Variants in MBOAT7 observed in about 807,000 individuals in gnomAD.
The protein encoded by MBOAT7 is membrane bound acylglycerophosphatidylinositol O-acyltransferase MBOAT7, also known as membrane-bound acylglycerophosphatidylinositol O-acyltransferase MBOAT7.
A neutral mutation model predicts 47.4 loss-of-function variants in MBOAT7; 40 were observed. The observed-to-expected ratio is 0.84, with a 90% confidence interval of 0.66 to 1.10. The LOEUF (loss-of-function observed/expected upper bound fraction) is 1.10. MBOAT7 is among the 50% of genes least tolerant of loss of function. The pLI is 0.00. For synonymous variants in MBOAT7, 361 were observed against 292.0 expected, an observed-to-expected ratio of 1.24 and a Z score of -2.41; for missense variants, 680 against 655.6, an observed-to-expected ratio of 1.04 and a Z score of -0.41.
chr19:54,176,590 G>T (rs1419015971), intron 7 of MBOAT7, among the ~76,000 whole-genome samples: 1 of 152,084 alleles, frequency 6.6e-6, no homozygotes, highest in Non-Finnish European at 1.5e-5. Context: ...AGCATCCCTG[G>T]CCCCCACCCA....
At chr19:54,187,075 C>T (rs773388054) in intron 4 of MBOAT7, 86 bp downstream of exon 4, 432 of 1,460,096 alleles carry the variant, frequency 3.0e-4, no homozygotes, top group Non-Finnish European at 3.6e-4. Flanking sequence ...GGTAAAATCC[C>T]GGGGAGCCAC....
intron 4 of MBOAT7, 21 bp downstream of exon 4, chr19:54,187,140 G>T: frequency 9.7e-6 from 15 of 1,545,366 alleles, no homozygotes; most frequent in Non-Finnish European, 1.3e-5. Flanking sequence ...CTGGAGGGGA[G>T]TGGCAAGCCC....
chr19:54,177,889 G>GT lies in MBOAT7; in HGVS notation c.1031+875dup, dbSNP rs201240852. 6.7e-3 allele frequency among the ~76,000 whole-genome samples: 835 copies of GT among 124,358 alleles called. 3 individuals carry two copies. Among genetic ancestry groups the GT allele is most frequent in the African/African-American group, 0.02 (655 of 32,692 alleles). 81.6% of individuals were successfully genotyped at this position (124,358 alleles called of 152,430 possible). A position where few individuals can be genotyped will look rare whatever the true frequency, so the allele number is the denominator to read the frequency against. On this transcript the variant is annotated intron_variant, in intron 7 of 7. Coordinates refer to ENST00000245615, the MANE Select transcript of MBOAT7 (RefSeq NM_024298.5). The stretch of plus-strand genomic sequence containing the variant: ...TGTGAGCCACCATGCCTGGCTATGA[G>GT]TTCTACTTCTGTTTTTTTTTTTTTT...
chr19:54,177,264 T>A (rs945724338), intron 7 of MBOAT7, among the ~76,000 whole-genome samples: 24 of 152,120 alleles, frequency 1.6e-4, no homozygotes, highest in Non-Finnish European at 2.4e-4. Flanking sequence ...TTAAATTAAA[T>A]TAATAATTAT....
At chr19:54,177,333 T>C (rs150722302) in intron 7 of MBOAT7, among the ~76,000 whole-genome samples, 3,901 of 152,224 alleles carry the variant, frequency 0.026, 127 homozygotes, top group East Asian at 0.13. Flanking sequence ...TCTCGCTCTG[T>C]TGCCCAGGCT....
intron 5 of MBOAT7, 60 bp from the exon 6 acceptor site, chr19:54,181,193 C>A (rs2076261923): frequency 2.1e-6 from 3 of 1,437,814 alleles, no homozygotes; most frequent in Middle Eastern, 2.1e-4. Flanking sequence ...CTCAAGTCTG[C>A]AGGAGGAGGA....
intron 4 of MBOAT7, among the ~76,000 whole-genome samples, 195 bp from the exon 5 acceptor site, chr19:54,183,875 G>A (rs2076355653): frequency 6.6e-6 from 1 of 152,118 alleles, no homozygotes; most frequent in Non-Finnish European, 1.5e-5. Flanking sequence ...CCCTTTCCCT[G>A]TTCTGTGCTT....
chr19:54,187,227 G>T lies in MBOAT7; in HGVS notation c.267C>A (p.Leu89=). 6.2e-7 allele frequency: 1 copy of T among 1,607,430 alleles called. No homozygotes were observed. The change falls in exon 4 of 8, where the codon CTC becomes CTA. Residue 89 remains leucine, a synonymous_variant. Coordinates refer to ENST00000245615, the MANE Select transcript of MBOAT7 (RefSeq NM_024298.5). ...TGGGAGTGGGCAGGCCCAGGAGGCT[G>T]AGGGCTCGGAAGAACAGGAGATAGG... ...TFSYLLFFRA[L]SLLGLPTPTP...
At chr19:54,184,395 T>C (rs2076374439) in intron 4 of MBOAT7, among the ~76,000 whole-genome samples, 1 of 152,088 alleles carries the variant, frequency 6.6e-6, no homozygotes, top group Non-Finnish European at 1.5e-5. Context: ...GAATATGTTG[T>C]ACTCTCCACC....
In MBOAT7 at chr19:54,180,902, C is replaced by T. The variant is rs530531478; in HGVS notation, c.725G>A (p.Arg242His). The stretch of plus-strand genomic sequence containing the variant: ...AATCCAGGCCACGTAGAAGCGCATG[C>T]GGAAGGCGAAGAAGACGGGGATCAT... ...FYMIPVFFAFRMRFYVAWIAA... is the reference protein window; with the variant it reads ...FYMIPVFFAFHMRFYVAWIAA... Residue 242 changes from arginine (R) to histidine (H), a missense_variant, in exon 6 of 8, where the codon CGC (arginine) becomes CAC (histidine). By Grantham distance (29) the Arg-to-His change is conservative (BLOSUM62 0). Coordinates refer to ENST00000245615, the MANE Select transcript of MBOAT7 (RefSeq NM_024298.5). The surrounding 1 kb of genome is among the most constrained non-coding windows in gnomAD (Gnocchi z 5.2). The T allele has an allele frequency of 1.3e-5, 21 of 1,597,636 alleles. No individual in the cohort carries two copies. The highest frequency in any genetic ancestry group is 5.3e-5 in the African/African-American group (4 of 74,980).
chr19:54,174,778 C>G (rs1345491688), intron 7 of MBOAT7, among the ~76,000 whole-genome samples: 2 of 152,084 alleles, frequency 1.3e-5, no homozygotes, highest in Non-Finnish European at 2.9e-5. Flanking sequence ...AGGCCCTCCC[C>G]ACTCAGACCC....
At chr19:54,183,946 G>A (rs1037083194) in intron 4 of MBOAT7, among the ~76,000 whole-genome samples, 4 of 152,050 alleles carry the variant, frequency 2.6e-5, no homozygotes, top group African/African-American at 4.8e-5. Context: ...ACGCCCAAAC[G>A]CTACCCCAGC....
At chr19:54,178,973 A>G in intron 6 of MBOAT7, 32 bp from the exon 7 acceptor site, 1 of 1,607,610 alleles carries the variant, frequency 6.2e-7, no homozygotes, top group Non-Finnish European at 8.5e-7. Flanking sequence ...TGGGGGACAG[A>G]CATGCAGCTC....
At chr19:54,175,180 G>C (rs62132542) in intron 7 of MBOAT7, among the ~76,000 whole-genome samples, 3 of 152,024 alleles carry the variant, frequency 2.0e-5, no homozygotes, top group Non-Finnish European at 1.5e-5. Flanking sequence ...GGGTTTCACC[G>C]TGTTAGCCAG....
Position 54,178,588 on chromosome 19 carries a change from T to A in MBOAT7, c.1031+177A>T, listed in dbSNP as rs2076173929. 4.2e-6 allele frequency: 6 copies of A among 1,428,514 alleles called. No individual in the cohort carries two copies. The South Asian group carries it at 7.5e-5, about 18-fold the overall frequency. 88.5% of individuals were successfully genotyped at this position (1,428,514 alleles called of 1,614,324 possible). A position where few individuals can be genotyped will look rare whatever the true frequency, so the allele number is the denominator to read the frequency against. On this transcript the variant is annotated intron_variant, in intron 7 of 7. Coordinates refer to ENST00000245615, the MANE Select transcript of MBOAT7 (RefSeq NM_024298.5). ...ACTGAGGCCCCGAGAGGGGGAACGA[T>A]TTTACACCGGCATGCTGCCACTATA... is the stretch of plus-strand genomic sequence containing the variant.
Position 54,174,446 on chromosome 19 carries a change from G to A in MBOAT7, c.1032-15C>T. 1 of 1,523,584 alleles carries A rather than the reference G, an allele frequency of 6.6e-7. No individual in the cohort carries two copies. Among genetic ancestry groups the A allele is most frequent in the Non-Finnish European group, 8.8e-7 (1 of 1,137,248 alleles). The allele number at this position is 1,523,584 out of a possible 1,614,324, so 94.4% of individuals were successfully genotyped here. ...TCCAGGCGCTCCTGAGGAGGAGGCT[G>A]GGAGTCAGGACCTACGAGTCCAGGT... is the stretch of plus-strand genomic sequence containing the variant. On this transcript the variant is annotated splice_polypyrimidine_tract_variant and intron_variant, in intron 7 of 7. Transcript: ENST00000245615.
intron 3 of MBOAT7, 45 bp from the exon 4 acceptor site, chr19:54,187,332 G>C (rs772882837): frequency 1.9e-6 from 3 of 1,547,676 alleles, no homozygotes; most frequent in African/African-American, 2.7e-5. Flanking sequence ...CAGAAGTCTC[G>C]GCCTTGGCCA....
chr19:54,188,023 AAG>A (rs1491180155), intron 3 of MBOAT7, among the ~76,000 whole-genome samples, 192 bp downstream of exon 3: 8 of 91,332 alleles, frequency 8.8e-5, no homozygotes, highest in South Asian at 3.7e-4. Context: ...CTCAGAAAGA[AAG>A]AAAGAAAGAA....
rs372068130 is a variant in MBOAT7, at chr19:54,173,970, C to T, written c.*74G>A. The T allele has an allele frequency of 1.9e-4, 281 of 1,480,330 alleles. 2 individuals are homozygous for T. In the African/African-American group the frequency reaches 3.6e-3, roughly 19 times the overall value. The allele number at this position is 1,480,330 out of a possible 1,614,324, so 91.7% of individuals were successfully genotyped here. On this transcript the variant is annotated 3_prime_UTR_variant, in exon 8 of 8. Transcript: ENST00000245615. The stretch of plus-strand genomic sequence containing the variant: ...CAGGACCCTCTCCAAGGTAAGGACT[C>T]TTTCTGGGGAGGAGACAGCAGCCTG...
Sources: gnomAD v4.1 joint callset for allele counts (sites outside exome capture counted in the v4.1 genomes callset) on GRCh38, gnomAD v4.1.1 for gene constraint, Gnocchi (gnomAD v3.1) non-coding constraint, MANE v1.5 for transcripts, NCBI Gene and HGNC (gene_info 2026-07-23, HGNC 2026-07-21) for gene names.